Variants in ASMT observed in about 807,000 individuals in gnomAD.
ASMT encodes the protein acetylserotonin O-methyltransferase, also known as acetylserotonin N-methyltransferase.
In ASMT, 53 loss-of-function variants were observed where a neutral mutation model predicts 41.3. That is an observed-to-expected ratio of 1.28 (90% CI 1.03 to 1.61). The LOEUF (loss-of-function observed/expected upper bound fraction) is 1.61. Among genes scored for constraint, ASMT ranks in the 40% most tolerant of loss-of-function variants. The pLI, the probability that ASMT is intolerant of heterozygous loss-of-function variation, is 0.00. For missense variants in ASMT, 531 were observed against 441.3 expected (o/e 1.20, Z -1.82); for synonymous variants, 231 against 184.8 (o/e 1.25, Z -2.03).
intron 8 of ASMT, 66 bp from the exon 9 acceptor site, chrX:1,642,737 C>T: frequency 6.7e-7 from 1 of 1,489,060 alleles, no homozygotes; most frequent in Non-Finnish European, 9.4e-7. Flanking sequence ...TTATGGTTCA[C>T]TGGGACTTTG....
rs1476373022 is a variant in ASMT, at chrX:1,623,046, T to C, written c.70-93T>C. The C allele has an allele frequency of 7.0e-6, 9 of 1,290,564 alleles. No individual in the cohort carries two copies. The Admixed American group carries it at 1.5e-4, about 21-fold the overall frequency. 79.9% of individuals were successfully genotyped at this position (1,290,564 alleles called of 1,614,324 possible). A position where few individuals can be genotyped will look rare whatever the true frequency, so the allele number is the denominator to read the frequency against. On this transcript the variant is annotated intron_variant, in intron 1 of 8. Coordinates refer to ENST00000381241, the MANE Select transcript of ASMT (RefSeq NM_001171038.2). ...ATAAGAATATAAATAAAACAATGCT[T>C]TCCTCCCTAGCCTGCCATGGTATGG...
chrX:1,625,295 G>T (rs1268635534), intron 3 of ASMT, among the ~76,000 whole-genome samples: 5 of 151,276 alleles, frequency 3.3e-5, no homozygotes, highest in Admixed American at 1.3e-4. Flanking sequence ...TGGTAGAGAC[G>T]GGGTTTCACC....
chrX:1,641,388 G>C (rs1326148075), intron 8 of ASMT, among the ~76,000 whole-genome samples: 1 of 143,328 alleles, frequency 7.0e-6, no homozygotes, highest in Non-Finnish European at 1.5e-5. Context: ...CCAGTGTCCT[G>C]TGAGGTCCAC....
At chrX:1,626,808 A>C (rs1934565047) in intron 3 of ASMT, among the ~76,000 whole-genome samples, 1 of 112,076 alleles carries the variant, frequency 8.9e-6, no homozygotes, top group Non-Finnish European at 1.9e-5. Context: ...CGGGTGGATC[A>C]CCTGAGGTCA....
rs1361762379 is a variant in ASMT at position 1,642,804 on chromosome X, T to C, written c.912T>C (p.Gly304=). 6.2e-7 allele frequency: 1 copy of C among 1,613,182 alleles called. No individual in the cohort carries two copies. The highest frequency in any genetic ancestry group is 8.5e-7 in the Non-Finnish European group (1 of 1,179,274). ...LERIYHTCKP[G]GGILVIESLL... The stretch of plus-strand genomic sequence containing the variant: ...TGGACTGTGCCCCTCCCTTTCTAGG[T>C]GGTGGCATTCTGGTAATTGAAAGCC... The change falls in exon 9 of 9, where the codon GGT becomes GGC. Residue 304 remains glycine, a splice_region_variant and synonymous_variant. Transcript: ENST00000381241.
intron 3 of ASMT, among the ~76,000 whole-genome samples, chrX:1,625,622 AAGAG>A (rs1292600763): frequency 3.9e-4 from 55 of 142,798 alleles, no homozygotes; most frequent in African/African-American, 9.4e-4. Context: ...GAAGGAAAGA[AAGAG>A]AGAGAGAGAG....
intron 7 of ASMT, among the ~76,000 whole-genome samples, chrX:1,634,156 C>T (rs1182776034): frequency 2.0e-5 from 3 of 152,132 alleles, no homozygotes; most frequent in African/African-American, 4.8e-5. Context: ...AAGGACACAC[C>T]GAGCTCAGAA....
intron 3 of ASMT, among the ~76,000 whole-genome samples, chrX:1,626,008 G>T (rs1337284573): frequency 1.3e-5 from 2 of 150,530 alleles, no homozygotes; most frequent in African/African-American, 2.5e-5. Context: ...GGGTTGTGGA[G>T]ACCAAATTCT....
At chrX:1,616,230 T>C (rs867229741) in intron 1 of ASMT, among the ~76,000 whole-genome samples, 2 of 151,524 alleles carry the variant, frequency 1.3e-5, no homozygotes, top group Non-Finnish European at 3.0e-5. Context: ...GGTTTCACCA[T>C]GTTGGCCAGG....
At chrX:1,636,284 C>T in intron 7 of ASMT, 154 bp from the exon 8 acceptor site, 3 of 1,120,908 alleles carry the variant, frequency 2.7e-6, no homozygotes, top group East Asian at 2.3e-5. Context: ...TTCTCCTAAG[C>T]CTTTTTGTTT....
chrX:1,629,941 T>C lies in ASMT; in HGVS notation c.562+2T>C, dbSNP rs148855515. On this transcript the variant is annotated splice_donor_variant, in intron 5 of 8. Coordinates refer to ENST00000381241, the MANE Select transcript of ASMT (RefSeq NM_001171038.2). LOFTEE classifies it high-confidence loss of function. Reference sequence around the variant, plus strand: ...TCCCACTTATGTGTGACCTTGGTGGTAAGTACCCCTCACCACTAATACCTC... The same window carrying C: ...TCCCACTTATGTGTGACCTTGGTGGCAAGTACCCCTCACCACTAATACCTC... The C allele has an allele frequency of 1.7e-3, 2,801 of 1,611,446 alleles. 7 individuals are homozygous for C. Among genetic ancestry groups the C allele is most frequent in the Non-Finnish European group, 2.0e-3 (2,360 of 1,177,558 alleles).
Position 1,642,748 on chromosome X carries a change from G to C in ASMT, c.911-55G>C, listed in dbSNP as rs1935238131. On this transcript the variant is annotated intron_variant, in intron 8 of 8. Coordinates refer to ENST00000381241, the MANE Select transcript of ASMT (RefSeq NM_001171038.2). Reference sequence around the variant, plus strand: ...GTCCTTATGGTTCACTGGGACTTTGGCACAGTCTGTCTGTGTGTTTGTGTG... The same window carrying C: ...GTCCTTATGGTTCACTGGGACTTTGCCACAGTCTGTCTGTGTGTTTGTGTG... 10 of 1,548,586 alleles carry C rather than the reference G, an allele frequency of 6.5e-6. No individual in the cohort carries two copies. The South Asian group carries it at 6.7e-5, about 10-fold the overall frequency.
chrX:1,628,386 A>G (rs1343300951), intron 4 of ASMT, among the ~76,000 whole-genome samples: 1 of 152,204 alleles, frequency 6.6e-6, no homozygotes, highest in Non-Finnish European at 1.5e-5. Flanking sequence ...AGGTGAGGCC[A>G]GGTGAGACCT....
rs746520483 is a variant in ASMT, at chrX:1,631,157, A to G, written c.562+1218A>G. Among the ~76,000 whole-genome samples, 17 of 149,712 alleles carry G rather than the reference A, an allele frequency of 1.1e-4. No homozygotes were observed. The South Asian group carries it at 2.7e-3, about 24-fold the overall frequency. On this transcript the variant is annotated intron_variant, in intron 5 of 8. Coordinates refer to ENST00000381241, the MANE Select transcript of ASMT (RefSeq NM_001171038.2). ...TCTCGATCTCCTGACCTCGTGATCC[A>G]CCCGCCTCCGCCTCCCAAAGTGCCA...
At chrX:1,627,858 A>G in intron 4 of ASMT, 87 bp downstream of exon 4, 1 of 1,252,094 alleles carries the variant, frequency 8.0e-7, no homozygotes, top group African/African-American at 1.5e-5. Flanking sequence ...ATTTACTCAA[A>G]TGGCACAACC....
chrX:1,642,972 G>T lies in ASMT; in HGVS notation c.1080G>T (p.Lys360Asn). 1 of 1,613,964 alleles carries T rather than the reference G, an allele frequency of 6.2e-7. No individual in the cohort carries two copies. ...SSAGFRDFQFKKTGAIYDAIL... is the reference protein window; with the variant it reads ...SSAGFRDFQFNKTGAIYDAIL... ...CTGGCTTCAGAGACTTCCAGTTTAAGAAAACAGGAGCCATTTATGATGCCA... is the reference window on the plus strand; with the variant it reads ...CTGGCTTCAGAGACTTCCAGTTTAATAAAACAGGAGCCATTTATGATGCCA... Residue 360 changes from lysine (K) to asparagine (N), a missense_variant, in exon 9 of 9, where the codon AAG becomes AAT. Physicochemically the swap from Lys to Asn is moderately conservative, Grantham distance 94. Transcript: ENST00000381241.
intron 1 of ASMT, among the ~76,000 whole-genome samples, chrX:1,616,259 C>T (rs1448359990): frequency 6.6e-6 from 1 of 151,384 alleles, no homozygotes; most frequent in East Asian, 1.9e-4. Flanking sequence ...GAACTCCTGA[C>T]CTCAAGTGAT....
At chrX:1,636,253 G>C (rs773029677) in intron 7 of ASMT, 185 bp from the exon 8 acceptor site, 1 of 903,706 alleles carries the variant, frequency 1.1e-6, no homozygotes, top group East Asian at 2.5e-5. Flanking sequence ...CACCGCGCCC[G>C]ACCTCAGTAT....
intron 8 of ASMT, among the ~76,000 whole-genome samples, chrX:1,641,327 G>T (rs1249831326): frequency 1.4e-5 from 1 of 73,552 alleles, no homozygotes; most frequent in African/African-American, 4.7e-5. Context: ...CCATCCTGAT[G>T]ATCCATTAGG....
Sources: gnomAD v4.1 joint callset for allele counts (sites outside exome capture counted in the v4.1 genomes callset) on GRCh38, gnomAD v4.1.1 for gene constraint, MANE v1.5 for transcripts, NCBI Gene and HGNC (gene_info 2026-07-23, HGNC 2026-07-21) for gene names.